SEL1L2: variants seen among roughly 807,000 people sequenced by gnomAD.
SEL1L2 encodes the protein SEL1L2 adaptor subunit of SYVN1 ubiquitin ligase, also known as protein sel-1 homolog 2.
SEL1L2 carries 89 observed loss-of-function variants against 98.8 expected under a neutral mutation model. The observed-to-expected ratio is 0.90, with a 90% CI of 0.76 to 1.07. The LOEUF (loss-of-function observed/expected upper bound fraction) is 1.07, where lower values mean the gene tolerates loss of function less well. Among genes scored for constraint, SEL1L2 ranks in the 50% least tolerant of loss-of-function variants. The pLI is 0.00. For missense variants in SEL1L2, 788 were observed against 812.0 expected (o/e 0.97, Z 0.36); for synonymous variants, 262 against 278.5 (o/e 0.94, Z 0.59).
At chr20:13,930,620 C>G (rs571749787) in intron 3 of SEL1L2, among the ~76,000 whole-genome samples, 2 of 152,212 alleles carry the variant, frequency 1.3e-5, no homozygotes, top group African/African-American at 4.8e-5. Flanking sequence ...GGCAGTGAAC[C>G]AGTCTTTTGG....
At chr20:13,908,265 G>A (rs1015074356) in intron 5 of SEL1L2, among the ~76,000 whole-genome samples, 8 of 151,666 alleles carry the variant, frequency 5.3e-5, no homozygotes, top group Middle Eastern at 3.2e-3. Context: ...CAACAGGCAT[G>A]CACCATCATG....
chr20:13,920,503 TTAAAGA>T (rs2048612593), intron 3 of SEL1L2, among the ~76,000 whole-genome samples: 1 of 152,132 alleles, frequency 6.6e-6, no homozygotes, highest in Admixed American at 6.6e-5. Flanking sequence ...AGAGTCACAC[TTAAAGA>T]TATAAAGATC....
At chr20:13,956,188 A>T (rs1199803085) in intron 1 of SEL1L2, 57 bp from the exon 2 acceptor site, 2 of 852,386 alleles carry the variant, frequency 2.3e-6, no homozygotes, top group South Asian at 1.7e-5. Flanking sequence ...TTAAAATTTC[A>T]CTAAATACAA....
chr20:13,856,881 A>G (rs1177060354), intron 18 of SEL1L2, among the ~76,000 whole-genome samples: 2 of 152,202 alleles, frequency 1.3e-5, no homozygotes, highest in South Asian at 2.1e-4. Flanking sequence ...TAACTAATAA[A>G]GAGGATTGCA....
At chr20:13,856,145 T>C (rs1989118149) in intron 18 of SEL1L2, among the ~76,000 whole-genome samples, 2 of 149,092 alleles carry the variant, frequency 1.3e-5, no homozygotes, top group Admixed American at 1.4e-4. Context: ...TCTTTGTTTT[T>C]TGGGGTTTTT....
At chr20:13,945,547 T>A (rs987282819) in intron 2 of SEL1L2, among the ~76,000 whole-genome samples, 12 of 151,854 alleles carry the variant, frequency 7.9e-5, no homozygotes, top group African/African-American at 2.9e-4. Context: ...TGCCTCACAC[T>A]CTTCCAAAAA....
At chr20:13,877,433 T>A (rs558693789) in intron 11 of SEL1L2, 87 bp downstream of exon 11, 4 of 1,046,678 alleles carry the variant, frequency 3.8e-6, no homozygotes, top group Non-Finnish European at 4.3e-6. Flanking sequence ...CCCAAGTAGC[T>A]GGGACAACAG....
At chr20:13,898,526 T>C (rs150771912) in intron 5 of SEL1L2, among the ~76,000 whole-genome samples, 2 of 152,310 alleles carry the variant, frequency 1.3e-5, no homozygotes, top group East Asian at 3.9e-4. Flanking sequence ...CAATTTACCA[T>C]CAACTTCCAG....
At chr20:13,963,878 A>AT (rs1221024156) in intron 1 of SEL1L2, among the ~76,000 whole-genome samples, 3 of 151,708 alleles carry the variant, frequency 2.0e-5, no homozygotes. Flanking sequence ...AAATATATAT[A>AT]TTTTTTTCCT....
At chr20:13,985,796 T>C (rs2052147556) in intron 1 of SEL1L2, among the ~76,000 whole-genome samples, 1 of 152,178 alleles carries the variant, frequency 6.6e-6, no homozygotes, top group Admixed American at 6.5e-5. Context: ...TACCCCTTAG[T>C]CATCATTCCC....
At chr20:13,854,208 TTTG>T (rs1180641764) in intron 18 of SEL1L2, among the ~76,000 whole-genome samples, 21 of 152,354 alleles carry the variant, frequency 1.4e-4, no homozygotes, top group African/African-American at 4.8e-4. Context: ...TAGATGTGGT[TTTG>T]TTTTCTCTGC....
rs965644623 is a variant in SEL1L2, at chr20:13,952,099, T to C, written c.114+3977A>G. ...AAGCATAACTATAGCCACCAGTTATTTGGGCATGTCACAAGACATGCTTTT... is the reference window on the plus strand; with the variant it reads ...AAGCATAACTATAGCCACCAGTTATCTGGGCATGTCACAAGACATGCTTTT... On this transcript the variant is annotated intron_variant, in intron 2 of 19. Transcript: ENST00000284951. Among the ~76,000 whole-genome samples the C allele has an allele frequency of 4.6e-5, 7 of 152,278 alleles. No homozygotes were observed. In the South Asian group the frequency reaches 1.2e-3, roughly 27 times the overall value.
intron 5 of SEL1L2, among the ~76,000 whole-genome samples, chr20:13,893,341 G>A (rs1039534366): frequency 1.3e-5 from 2 of 151,998 alleles, no homozygotes; most frequent in Non-Finnish European, 2.9e-5. Flanking sequence ...CAGGCAAATG[G>A]TAACCAAAAA....
rs1990829128 is a variant in SEL1L2, at chr20:13,865,379, G to C, written c.1540C>G (p.Gln514Glu). 1.2e-6 allele frequency: 2 copies of C among 1,613,858 alleles called. No individual in the cohort carries two copies. The highest frequency in any genetic ancestry group is 1.3e-5 in the African/African-American group (1 of 74,878). The change falls in exon 16 of 20, where the codon CAA becomes GAA. Residue 514 changes from glutamine to glutamate, a missense_variant. By Grantham distance (29) the Gln-to-Glu change is conservative. Coordinates refer to ENST00000284951, the MANE Select transcript of SEL1L2 (RefSeq NM_025229.2). ...TCCAAAATGAATGCTGAATTGCTTTGAGCTACTTCATACCCCATTTCTGCA... is the reference window on the plus strand; with the variant it reads ...TCCAAAATGAATGCTGAATTGCTTTCAGCTACTTCATACCCCATTTCTGCA... Reference protein sequence around the residue: ...LLAEMGYEVAQSNSAFILESK... With the variant: ...LLAEMGYEVAESNSAFILESK...
chr20:13,850,008 T>C (rs1987959065), intron 19 of SEL1L2, 183 bp downstream of exon 19: 1 of 627,264 alleles, frequency 1.6e-6, no homozygotes, highest in Admixed American at 3.0e-5. Context: ...TACTCTGAAG[T>C]GTCAACACAT....
rs1252330288 is a variant in SEL1L2 at position 13,974,473 on chromosome 20, C to CTATTT, written c.58+16003_58+16004insAAATA. Among the ~76,000 whole-genome samples, 241 of 85,310 alleles carry CTATTT rather than the reference C, an allele frequency of 2.8e-3. 2 individuals carry two copies. The highest frequency in any genetic ancestry group is 9.5e-3 in the African/African-American group (233 of 24,642). The allele number at this position is 85,310 out of a possible 152,430, so 56.0% of individuals were successfully genotyped here. A position where few individuals can be genotyped will look rare whatever the true frequency, so the allele number is the denominator to read the frequency against. On this transcript the variant is annotated intron_variant, in intron 1 of 19. Transcript: ENST00000284951. Reference sequence around the variant, plus strand: ...ATTTTTTTTCCTTTTCTCTCTCTCTCTCTTTTTTTTTTTTTTTTTTTTTGA... The same window carrying CTATTT: ...ATTTTTTTTCCTTTTCTCTCTCTCTCTATTTTCTTTTTTTTTTTTTTTTTTTTTGA...
At chr20:13,931,263 C>T (rs980876020) in intron 3 of SEL1L2, among the ~76,000 whole-genome samples, 2 of 151,774 alleles carry the variant, frequency 1.3e-5, no homozygotes, top group Non-Finnish European at 2.9e-5. Flanking sequence ...ATCTCCTGAC[C>T]TCGTGATCTG....
intron 2 of SEL1L2, among the ~76,000 whole-genome samples, chr20:13,944,034 G>A (rs2049901516): frequency 6.6e-6 from 1 of 152,142 alleles, no homozygotes; most frequent in Non-Finnish European, 1.5e-5. Context: ...TCGGTTTTCA[G>A]GCTTTAAACT....
At chr20:13,905,504 C>CG (rs2047884630) in intron 5 of SEL1L2, among the ~76,000 whole-genome samples, 1 of 151,858 alleles carries the variant, frequency 6.6e-6, no homozygotes, top group Non-Finnish European at 1.5e-5. Context: ...TTAGTAGAGA[C>CG]AGGGTTTCAC....
Sources: gnomAD v4.1 joint callset for allele counts (sites outside exome capture counted in the v4.1 genomes callset) on GRCh38, gnomAD v4.1.1 for gene constraint, MANE v1.5 for transcripts, NCBI Gene and HGNC (gene_info 2026-07-23, HGNC 2026-07-21) for gene names.